ATG2B: variants seen among roughly 807,000 people sequenced by gnomAD.
The protein encoded by ATG2B is autophagy-related protein 2 homolog B.
In ATG2B, 121 loss-of-function variants were observed where a neutral mutation model predicts 241.3. That is an observed-to-expected ratio of 0.50 (90% CI 0.43 to 0.58). The LOEUF is 0.58. ATG2B is among the 20% of genes least tolerant of loss of function. The pLI, the probability that ATG2B is intolerant of heterozygous loss-of-function variation, is 0.00. For missense variants in ATG2B, 2,306 were observed against 2,491.6 expected, an observed-to-expected ratio of 0.93 and a Z score of 1.59; for synonymous variants, 858 against 876.6, an observed-to-expected ratio of 0.98 and a Z score of 0.37.
Position 96,289,617 on chromosome 14 carries a change from CAGA to C in ATG2B, c.6006+36_6006+38del. 1 of 1,603,996 alleles carries C rather than the reference CAGA, an allele frequency of 6.2e-7. No homozygotes were observed. The highest frequency in any genetic ancestry group is 8.5e-7 in the Non-Finnish European group (1 of 1,175,158). ...TTTAGGTGAAAGTTGGGAAAGCGCA[CAGA>C]AGGGTTCTGATGTGTCCACCCAAGT... On this transcript the variant is annotated intron_variant, in intron 41 of 41. Transcript: ENST00000359933. The surrounding 1 kb of genome is among the most constrained non-coding windows in gnomAD (Gnocchi z 4.3).
chr14:96,308,282 ATT>A (rs71731196), intron 29 of ATG2B, among the ~76,000 whole-genome samples: 9 of 37,026 alleles, frequency 2.4e-4, no homozygotes, highest in African/African-American at 8.3e-4. Flanking sequence ...ATATATATAT[ATT>A]TTTTTTTTTT....
chr14:96,323,610 C>T lies in ATG2B; in HGVS notation c.2540+286G>A, dbSNP rs114192435. 3.8e-3 allele frequency among the ~76,000 whole-genome samples: 586 copies of T among 152,278 alleles called. 4 individuals are homozygous for T. The highest frequency in any genetic ancestry group is 0.014 in the African/African-American group (571 of 41,552). On this transcript the variant is annotated intron_variant, in intron 16 of 41. Transcript: ENST00000359933. ...ATGAAACTTGTGCTCTAAACTCATG[C>T]TTATTACCAGGTGTGTATGAGCAAC...
Position 96,347,067 on chromosome 14 carries a change from A to G in ATG2B, c.325+112T>C, listed in dbSNP as rs956478361. On this transcript the variant is annotated intron_variant, in intron 2 of 41. Transcript: ENST00000359933. ...AGAGCCAAGTCGTAATGTATTATCA[A>G]CTGAAAATTTCACAAATACAAAGCA... is the stretch of plus-strand genomic sequence containing the variant. The G allele has an allele frequency of 8.5e-6, 8 of 938,564 alleles. No individual in the cohort carries two copies. In the South Asian group the frequency reaches 2.1e-4, roughly 24 times the overall value. The allele number at this position is 938,564 out of a possible 1,614,324, so 58.1% of individuals were successfully genotyped here. A position where few individuals can be genotyped will look rare whatever the true frequency, so the allele number is the denominator to read the frequency against.
chr14:96,346,235 G>C (rs1398597942), intron 2 of ATG2B, among the ~76,000 whole-genome samples: 1 of 152,110 alleles, frequency 6.6e-6, no homozygotes, highest in Non-Finnish European at 1.5e-5. Flanking sequence ...ATCATTTCCA[G>C]ATCTTCCCTC....
chr14:96,324,489 C>G (rs1183777779), intron 15 of ATG2B, among the ~76,000 whole-genome samples: 1 of 152,072 alleles, frequency 6.6e-6, no homozygotes, highest in Non-Finnish European at 1.5e-5. Context: ...GTTAAGAGAC[C>G]AGCCTCTCCA....
intron 18 of ATG2B, among the ~76,000 whole-genome samples, chr14:96,321,063 G>C (rs565389652): frequency 6.6e-6 from 1 of 152,022 alleles, no homozygotes; most frequent in African/African-American, 2.4e-5. Context: ...TACCAGAGTG[G>C]ACTGTTCTCT....
chr14:96,296,908 T>G (rs558997251), intron 34 of ATG2B, among the ~76,000 whole-genome samples: 2 of 152,132 alleles, frequency 1.3e-5, no homozygotes, highest in South Asian at 4.2e-4. Context: ...TGATCACATA[T>G]CTCAGAAGTA....
At chr14:96,355,718 G>T (rs1244699556) in intron 1 of ATG2B, among the ~76,000 whole-genome samples, 1 of 151,894 alleles carries the variant, frequency 6.6e-6, no homozygotes, top group African/African-American at 2.4e-5. Context: ...CTCTATAAAG[G>T]AACTCAAGGT....
At chr14:96,300,295 G>A (rs927690619) in intron 34 of ATG2B, among the ~76,000 whole-genome samples, 2 of 152,176 alleles carry the variant, frequency 1.3e-5, no homozygotes, top group Admixed American at 6.5e-5. Flanking sequence ...CAAGGTGGGA[G>A]GATTACTTGA....
At chr14:96,319,735 G>A (rs1316407932) in intron 18 of ATG2B, among the ~76,000 whole-genome samples, 1 of 152,194 alleles carries the variant, frequency 6.6e-6, no homozygotes, top group African/African-American at 2.4e-5. Context: ...TGGGAAATAT[G>A]CATTCAAGTA....
intron 34 of ATG2B, among the ~76,000 whole-genome samples, chr14:96,295,949 C>G (rs1199078249): frequency 3.9e-5 from 6 of 152,190 alleles, no homozygotes; most frequent in Non-Finnish European, 8.8e-5. Flanking sequence ...TACCAACAAT[C>G]ATGTGCTGGA....
In ATG2B at chr14:96,279,679, C is replaced by G. The variant is rs1210217285; in HGVS notation, c.*6076G>C. On this transcript the variant is annotated 3_prime_UTR_variant, in exon 42 of 42. Transcript: ENST00000359933. Reference sequence around the variant, plus strand: ...AGACAGCAGGAGCAGCCAGAGATCCCGACAGAGCATCCGAGTTGGGGCGGC... The same window carrying G: ...AGACAGCAGGAGCAGCCAGAGATCCGGACAGAGCATCCGAGTTGGGGCGGC... The G allele has an allele frequency of 1.3e-5, 2 of 152,292 alleles. No individual in the cohort carries two copies. The highest frequency in any genetic ancestry group is 4.8e-5 in the African/African-American group (2 of 41,454). The allele number at this position is 152,292 out of a possible 1,614,324, so 9.4% of individuals were successfully genotyped here.
At chr14:96,310,906 G>C (rs1019042895) in intron 28 of ATG2B, among the ~76,000 whole-genome samples, 20 of 152,176 alleles carry the variant, frequency 1.3e-4, no homozygotes, top group African/African-American at 4.8e-4. Flanking sequence ...TTGCTAGGAA[G>C]ATTAATGGAA....
Position 96,302,015 on chromosome 14 carries a change from T to C in ATG2B, c.5131A>G (p.Ile1711Val). Residue 1711 changes from isoleucine to valine, a missense_variant, in exon 34 of 42, where the codon ATT (isoleucine) becomes GTT (valine). Ile to Val is a conservative substitution (Grantham distance 29). Coordinates refer to ENST00000359933, the MANE Select transcript of ATG2B (RefSeq NM_018036.7). ...ACGCTCATGCTACAAACCTGGTCAA[T>C]ATTGAGGCGGAGCGGCATCAGCGAC... is the stretch of plus-strand genomic sequence containing the variant. ...RVSLMPLRLN[I>V]DQDALFFLKD... is the part of the protein sequence containing the mutation. The C allele has an allele frequency of 6.2e-7, 1 of 1,613,500 alleles. No individual in the cohort carries two copies. The highest frequency in any genetic ancestry group is 1.1e-5 in the South Asian group (1 of 91,054).
At chr14:96,354,429 T>A (rs1377187567) in intron 1 of ATG2B, among the ~76,000 whole-genome samples, 1 of 152,232 alleles carries the variant, frequency 6.6e-6, no homozygotes, top group Non-Finnish European at 1.5e-5. Flanking sequence ...TCCAGCTCCA[T>A]CCACGTGCCT....
At chr14:96,297,301 A>C (rs1886670220) in intron 34 of ATG2B, among the ~76,000 whole-genome samples, 1 of 152,096 alleles carries the variant, frequency 6.6e-6, no homozygotes, top group Non-Finnish European at 1.5e-5. Flanking sequence ...TTTAAAAAAA[A>C]AAAAGGGAGA....
intron 41 of ATG2B, among the ~76,000 whole-genome samples, chr14:96,288,475 G>T (rs1886397490): frequency 6.6e-6 from 1 of 152,122 alleles, no homozygotes; most frequent in Non-Finnish European, 1.5e-5. Flanking sequence ...GACATCTGTA[G>T]GAGCAAATCT....
chr14:96,340,384 T>C (rs1888001160), intron 6 of ATG2B, among the ~76,000 whole-genome samples: 1 of 151,566 alleles, frequency 6.6e-6, no homozygotes, highest in Admixed American at 6.6e-5. Context: ...AATAATGAAG[T>C]CCTGTCATTT....
At chr14:96,308,249 T>C (rs1342113573) in intron 29 of ATG2B, among the ~76,000 whole-genome samples, 15 of 15,450 alleles carry the variant, frequency 9.7e-4, no homozygotes, top group Non-Finnish European at 1.7e-3. Context: ...TATATATATA[T>C]ATACACACAT....
Sources: gnomAD v4.1 joint callset for allele counts (sites outside exome capture counted in the v4.1 genomes callset) on GRCh38, gnomAD v4.1.1 for gene constraint, Gnocchi (gnomAD v3.1) non-coding constraint, MANE v1.5 for transcripts, NCBI Gene and HGNC (gene_info 2026-07-23, HGNC 2026-07-21) for gene names.